OGFOD3: variants seen among roughly 807,000 people sequenced by gnomAD.
OGFOD3 encodes the protein 2-oxoglutarate and iron-dependent oxygenase domain-containing protein 3.
OGFOD3 carries 35 observed loss-of-function variants against 39.8 expected under a neutral mutation model. The ratio of observed to expected loss-of-function variants is 0.88; its 90% CI spans 0.67 to 1.17. The LOEUF (loss-of-function observed/expected upper bound fraction) is 1.17. OGFOD3 is among the 50% of genes most tolerant of loss of function. The pLI is 0.00. For missense variants in OGFOD3, 438 were observed against 454.5 expected (o/e 0.96, Z 0.33); for synonymous variants, 200 against 192.0 (o/e 1.04, Z -0.34).
Position 82,403,944 on chromosome 17 carries a change from A to C in OGFOD3, c.692T>G (p.Val231Gly). ...TAHDEYWHAHVDKVTYGSFDY... is the reference protein window; with the variant it reads ...TAHDEYWHAHGDKVTYGSFDY... Reference sequence around the variant, plus strand: ...GCCCACGGGCGCGCTCACCTTGTCCACGTGCGCATGCCAGTACTCGTCGTG... The same window carrying C: ...GCCCACGGGCGCGCTCACCTTGTCCCCGTGCGCATGCCAGTACTCGTCGTG... Residue 231 changes from valine to glycine, a missense_variant, in exon 7 of 9, where the codon GTG becomes GGG. Physicochemically the swap from Val to Gly is moderately radical, Grantham distance 109 (BLOSUM62 -3). Coordinates refer to ENST00000313056, the MANE Select transcript of OGFOD3 (RefSeq NM_024648.3). 1 of 1,603,766 alleles carries C rather than the reference A, an allele frequency of 6.2e-7. No individual in the cohort carries two copies. Among genetic ancestry groups the C allele is most frequent in the Non-Finnish European group, 8.5e-7 (1 of 1,176,748 alleles).
chr17:82,401,696 C>T (rs550345344), intron 7 of OGFOD3, among the ~76,000 whole-genome samples: 1 of 149,154 alleles, frequency 6.7e-6, no homozygotes, highest in African/African-American at 2.5e-5. Flanking sequence ...CCCAGCTACT[C>T]AGGAGGCTGA....
Position 82,398,216 on chromosome 17 carries a change from T to C in OGFOD3, c.803A>G (p.Lys268Arg), listed in dbSNP as rs1222481803. 2 of 1,613,926 alleles carry C rather than the reference T, an allele frequency of 1.2e-6. No homozygotes were observed. The highest frequency in any genetic ancestry group is 2.7e-5 in the African/African-American group (2 of 74,898). Reference sequence around the variant, plus strand: ...CCTACCAGCTCTCGGCTCCACCGTCTTGTTGGCACCCTCCTCCATGAACAT... The same window carrying C: ...CCTACCAGCTCTCGGCTCCACCGTCCTGTTGGCACCCTCCTCCATGAACAT... ...RFMFMEEGAN[K>R]TVEPRAGRVS... Residue 268 changes from lysine (K) to arginine (R), a missense_variant, in exon 8 of 9, where the codon AAG becomes AGG. Lys to Arg is a conservative substitution (Grantham distance 26). Coordinates refer to ENST00000313056, the MANE Select transcript of OGFOD3 (RefSeq NM_024648.3).
chr17:82,400,240 T>C (rs1248844909), intron 7 of OGFOD3, among the ~76,000 whole-genome samples: 1 of 151,798 alleles, frequency 6.6e-6, no homozygotes. Context: ...GGAGGCCCCT[T>C]GGGCTCAGCT....
In OGFOD3 at chr17:82,418,482, C is replaced by T. The variant is rs1178267200; in HGVS notation, c.4G>A (p.Ala2Thr). 3 of 1,450,680 alleles carry T rather than the reference C, an allele frequency of 2.1e-6. No individual in the cohort carries two copies. Among genetic ancestry groups the T allele is most frequent in the South Asian group, 2.7e-5 (2 of 75,454 alleles). 89.9% of individuals were successfully genotyped at this position (1,450,680 alleles called of 1,614,324 possible). MAPQRRAATKAP... is the reference protein window; with the variant it reads MTPQRRAATKAP... ...TTGGTTGCGGCCCTCCGCTGAGGAG[C>T]CATCGGACCAGGCCGCCGCGGAGCC... Residue 2 changes from alanine to threonine, a missense_variant, in exon 1 of 9, where the codon GCT becomes ACT. Transcript: ENST00000313056.
chr17:82,391,044 A>T lies in OGFOD3; in HGVS notation c.*1354T>A, dbSNP rs1025824540. 2.4e-5 allele frequency: 4 copies of T among 169,256 alleles called. No homozygotes were observed. In the East Asian group the frequency reaches 5.7e-4, roughly 24 times the overall value. The allele number at this position is 169,256 out of a possible 1,614,324, so 10.5% of individuals were successfully genotyped here. A position where few individuals can be genotyped will look rare whatever the true frequency, so the allele number is the denominator to read the frequency against. On this transcript the variant is annotated 3_prime_UTR_variant, in exon 9 of 9. Coordinates refer to ENST00000313056, the MANE Select transcript of OGFOD3 (RefSeq NM_024648.3). The surrounding 1 kb of genome is among the most constrained non-coding windows in gnomAD (Gnocchi z 5.1). Reference sequence around the variant, plus strand: ...CTGTGCCAGGGGCTAGGGAACATGGATCTATGCCAGACAGGCTAAGGGAGG... The same window carrying T: ...CTGTGCCAGGGGCTAGGGAACATGGTTCTATGCCAGACAGGCTAAGGGAGG...
At position 82,406,377 on chromosome 17, in the gene OGFOD3, G is replaced by A. The variant is rs778316535; in HGVS notation, c.488+41C>T. 16 of 1,589,602 alleles carry A rather than the reference G, an allele frequency of 1.0e-5. No homozygotes were observed. Among genetic ancestry groups the A allele is most frequent in the East Asian group, 8.9e-5 (4 of 44,784 alleles). ...CTAAGAGGCACGGAGCCGCTCACTC[G>A]GCTTTCAGAGCCAGCACTGAGGTCA... is the stretch of plus-strand genomic sequence containing the variant. On this transcript the variant is annotated intron_variant, in intron 5 of 8. Transcript: ENST00000313056. The surrounding 1 kb of genome is among the most constrained non-coding windows in gnomAD (Gnocchi z 5.2).
rs147443905 is a variant in OGFOD3 at position 82,403,996 on chromosome 17, T to C, written c.640A>G (p.Ile214Val). The C allele has an allele frequency of 6.8e-6, 11 of 1,611,148 alleles. No individual in the cohort carries two copies. The highest frequency in any genetic ancestry group is 5.0e-5 in the Admixed American group (3 of 59,532). ...GCCGTCCGCGCTTCCGTGCTGTTTA[T>C]GCGGGAGAAGAAGGTGGGCTTGGTC... ...HLTKPTFFSRINSTEARTAHD... is the reference protein window; with the variant it reads ...HLTKPTFFSRVNSTEARTAHD... The change falls in exon 7 of 9, where the codon ATA becomes GTA. Residue 214 changes from isoleucine (I) to valine (V), a missense_variant. By Grantham distance (29) the Ile-to-Val change is conservative. Transcript: ENST00000313056.
rs1316650953 is a variant in OGFOD3, at chr17:82,399,531, CA to C, written c.700-1213del. On this transcript the variant is annotated intron_variant, in intron 7 of 8. Transcript: ENST00000313056. ...TTAAGCACAGTTCAGTGATGTTAAG[CA>C]CATTTCCAATGTTGTGCAGCCACCG... is the stretch of plus-strand genomic sequence containing the variant. Among the ~76,000 whole-genome samples, 16 of 152,338 alleles carry C rather than the reference CA, an allele frequency of 1.1e-4. No individual in the cohort carries two copies. In the East Asian group the frequency reaches 2.7e-3, roughly 26 times the overall value.
chr17:82,418,366 C>A, intron 1 of OGFOD3, 46 bp downstream of exon 1: 12 of 1,347,612 alleles, frequency 8.9e-6, no homozygotes, highest in Non-Finnish European at 1.2e-5. Context: ...CACTCCATGG[C>A]CCTGTCCGCC....
rs375723803 is a variant in OGFOD3, at chr17:82,403,974, G to A, written c.662C>T (p.Thr221Met). The A allele has an allele frequency of 2.5e-5, 40 of 1,608,900 alleles. No individual in the cohort carries two copies. Among genetic ancestry groups the A allele is most frequent in the Non-Finnish European group, 3.2e-5 (38 of 1,178,250 alleles). ...FSRINSTEAR[T>M]AHDEYWHAHV... is the part of the protein sequence containing the mutation. ...CGCATGCCAGTACTCGTCGTGCGCC[G>A]TCCGCGCTTCCGTGCTGTTTATGCG... The change falls in exon 7 of 9, where the codon ACG (threonine) becomes ATG (methionine). Residue 221 changes from threonine (T) to methionine (M), a missense_variant. Transcript: ENST00000313056.
chr17:82,409,381 C>T lies in OGFOD3; in HGVS notation c.410G>A (p.Gly137Glu), dbSNP rs1206255992. The change falls in exon 4 of 9, where the codon GGA becomes GAA. Residue 137 changes from glycine to glutamate, a missense_variant. Coordinates refer to ENST00000313056, the MANE Select transcript of OGFOD3 (RefSeq NM_024648.3). ...CATTCAACTCACCCCTCCGTCAGAT[C>T]CTCCCAGGGAGAGCCCCTTTTCAGC... ...SVAEKGLSLG[G>E]SDGGASILDL... is the part of the protein sequence containing the mutation. 6.2e-7 allele frequency: 1 copy of T among 1,614,108 alleles called. No individual in the cohort carries two copies. Among genetic ancestry groups the T allele is most frequent in the South Asian group, 1.1e-5 (1 of 91,084 alleles).
In OGFOD3 at chr17:82,392,051, C is replaced by T. The variant is rs746466826; in HGVS notation, c.*347G>A. ...ATGCTTTAGCCAGTCTTTGATGGGC[C>T]GGGGGGTTGCTGAACCTGGACGAGT... On this transcript the variant is annotated 3_prime_UTR_variant, in exon 9 of 9. Coordinates refer to ENST00000313056, the MANE Select transcript of OGFOD3 (RefSeq NM_024648.3). The surrounding 1 kb of genome is among the most constrained non-coding windows in gnomAD (Gnocchi z 4.2). The T allele has an allele frequency of 1.6e-4, 48 of 296,440 alleles. 1 individual carries two copies. The highest frequency in any genetic ancestry group is 2.8e-4 in the Non-Finnish European group (44 of 159,260). The allele number at this position is 296,440 out of a possible 1,614,324, so 18.4% of individuals were successfully genotyped here.
chr17:82,415,449 A>G lies in OGFOD3; in HGVS notation c.253T>C (p.Phe85Leu), dbSNP rs758502345. ...TCCTCAGAGCAGGGCACCTCGATGAATCTCCCTGCCACGACCTCGCCACGG... is the reference window on the plus strand; with the variant it reads ...TCCTCAGAGCAGGGCACCTCGATGAGTCTCCCTGCCACGACCTCGCCACGG... ...ARRGEVVAGR[F>L]IEVPCSEDYD... Residue 85 changes from phenylalanine to leucine, a missense_variant, in exon 2 of 9, where the codon TTC becomes CTC. Phe to Leu is a conservative substitution (Grantham distance 22, BLOSUM62 0). Transcript: ENST00000313056. The surrounding 1 kb of genome is among the most constrained non-coding windows in gnomAD (Gnocchi z 5.3). 1 of 1,613,990 alleles carries G rather than the reference A, an allele frequency of 6.2e-7. No individual in the cohort carries two copies. Among genetic ancestry groups the G allele is most frequent in the African/African-American group, 1.3e-5 (1 of 75,018 alleles).
Position 82,414,261 on chromosome 17 carries a change from T to C in OGFOD3, c.304+1137A>G, listed in dbSNP as rs192586108. 3.1e-3 allele frequency among the ~76,000 whole-genome samples: 474 copies of C among 152,250 alleles called. 1 individual carries two copies. Among genetic ancestry groups the C allele is most frequent in the African/African-American group, 8.8e-3 (365 of 41,556 alleles). ...TGGGTTCAAGTGATTCTTCCACCTC[T>C]GCCTCCTGAGCTGGGGTTACAGGCG... On this transcript the variant is annotated intron_variant, in intron 2 of 8. Coordinates refer to ENST00000313056, the MANE Select transcript of OGFOD3 (RefSeq NM_024648.3).
In OGFOD3 at chr17:82,404,238, C is replaced by A. The variant is rs947172906; in HGVS notation, c.546-148G>T. 5.6e-6 allele frequency: 5 copies of A among 898,954 alleles called. No individual in the cohort carries two copies. Among genetic ancestry groups the A allele is most frequent in the Non-Finnish European group, 8.2e-6 (5 of 611,618 alleles). The allele number at this position is 898,954 out of a possible 1,614,324, so 55.7% of individuals were successfully genotyped here. A position where few individuals can be genotyped will look rare whatever the true frequency, so the allele number is the denominator to read the frequency against. Reference sequence around the variant, plus strand: ...CTCCCAAGCACACCGGGAACAGATACCGGCTCCGCCTGGGAACGACGCGGC... The same window carrying A: ...CTCCCAAGCACACCGGGAACAGATAACGGCTCCGCCTGGGAACGACGCGGC... On this transcript the variant is annotated intron_variant, in intron 6 of 8. Transcript: ENST00000313056. This position sits in a 1 kb window ranked among gnomAD's most constrained non-coding sequence, Gnocchi z 4.5.
At chr17:82,396,689 T>C (rs1324260127) in intron 8 of OGFOD3, 6 of 152,232 alleles carry the variant, frequency 3.9e-5, no homozygotes, top group African/African-American at 1.4e-4. Flanking sequence ...TTCAGCTGCT[T>C]GACTTCTCAA....
At position 82,409,315 on chromosome 17, in the gene OGFOD3, G is replaced by A. The variant is rs1050875584; in HGVS notation, c.423+53C>T. 3.4e-5 allele frequency: 53 copies of A among 1,580,922 alleles called. 1 individual carries two copies. The South Asian group carries it at 5.9e-4, about 18-fold the overall frequency. ...TGTGCCTTCCCCTTCCCATCCAAGTGAGAGCAAAGTTAACGGGTAAAAAAA... is the reference window on the plus strand; with the variant it reads ...TGTGCCTTCCCCTTCCCATCCAAGTAAGAGCAAAGTTAACGGGTAAAAAAA... On this transcript the variant is annotated intron_variant, in intron 4 of 8. Coordinates refer to ENST00000313056, the MANE Select transcript of OGFOD3 (RefSeq NM_024648.3).
At position 82,406,014 on chromosome 17, in the gene OGFOD3, G is replaced by A. The variant is rs1329913402; in HGVS notation, c.488+404C>T. Among the ~76,000 whole-genome samples, 1 of 152,128 alleles carries A rather than the reference G, an allele frequency of 6.6e-6. No homozygotes were observed. The highest frequency in any genetic ancestry group is 1.5e-5 in the Non-Finnish European group (1 of 68,024). On this transcript the variant is annotated intron_variant, in intron 5 of 8. Coordinates refer to ENST00000313056, the MANE Select transcript of OGFOD3 (RefSeq NM_024648.3). This position sits in a 1 kb window ranked among gnomAD's most constrained non-coding sequence, Gnocchi z 5.2. ...AGCAAGACCCAGGGCTAATGCATGA[G>A]GCTGACACGGATCCACGCAGGGAGG...
chr17:82,408,861 T>C (rs1422700181), intron 4 of OGFOD3, among the ~76,000 whole-genome samples: 1 of 152,152 alleles, frequency 6.6e-6, no homozygotes, highest in Admixed American at 6.5e-5. Context: ...GAACACATTA[T>C]CCGAGGCCAC....
Sources: gnomAD v4.1 joint callset for allele counts (sites outside exome capture counted in the v4.1 genomes callset) on GRCh38, gnomAD v4.1.1 for gene constraint, Gnocchi (gnomAD v3.1) non-coding constraint, MANE v1.5 for transcripts, NCBI Gene and HGNC (gene_info 2026-07-23, HGNC 2026-07-21) for gene names.